Variants in CAPS2 observed in about 807,000 individuals in gnomAD.
CAPS2 encodes calcyphosin-2.
A neutral mutation model predicts 86.5 loss-of-function variants in CAPS2; 98 were observed. The ratio of observed to expected loss-of-function variants is 1.13; its 90% CI spans 0.96 to 1.34. The LOEUF is 1.34. Ranked by LOEUF, CAPS2 falls within the 40% of genes most tolerant of loss-of-function variation. The pLI, the probability that CAPS2 is intolerant of heterozygous loss-of-function variation, is 0.00. For missense variants in CAPS2, 729 were observed against 686.8 expected (o/e 1.06, Z -0.69); for synonymous variants, 210 against 225.1 (o/e 0.93, Z 0.60).
At chr12:75,329,768 G>A (rs2041126729), upstream of CAPS2, 2 of 1,383,770 alleles carry the variant, frequency 1.4e-6, no homozygotes, top group Non-Finnish European at 9.8e-7. Flanking sequence ...AAGCAAAACA[G>A]GGTAATATCT....
intron 1 of CAPS2, chr12:75,359,817 C>T (rs2139572332): frequency 6.6e-6 from 1 of 152,166 alleles, no homozygotes; most frequent in East Asian, 1.9e-4. Flanking sequence ...CAAAAATTAA[C>T]TCAAAATGGA....
chr12:75,298,398 C>T, intron 11 of CAPS2: 1 of 361,304 alleles, frequency 2.8e-6, no homozygotes, highest in South Asian at 6.2e-5. Context: ...CTTTGAAGAA[C>T]TTTTCAAAGT....
intron 6 of CAPS2, among the ~76,000 whole-genome samples, chr12:75,315,637 T>C: frequency 6.6e-6 from 1 of 152,210 alleles, no homozygotes; most frequent in East Asian, 1.9e-4. Context: ...TTTGTTACTA[T>C]TTATGCTATT....
intron 1 of CAPS2, among the ~76,000 whole-genome samples, chr12:75,363,576 A>G (rs2043762983): frequency 6.6e-6 from 1 of 152,204 alleles, no homozygotes; most frequent in Non-Finnish European, 1.5e-5. Flanking sequence ...TATGATTTAA[A>G]ACTAACATGT....
intron 1 of CAPS2, among the ~76,000 whole-genome samples, chr12:75,366,415 T>C (rs922591801): frequency 1.3e-5 from 2 of 152,142 alleles, no homozygotes; most frequent in Non-Finnish European, 2.9e-5. Context: ...AACTCTTGAG[T>C]TGCAGATTGA....
intron 1 of CAPS2, among the ~76,000 whole-genome samples, chr12:75,387,483 G>C (rs2045351267): frequency 6.6e-6 from 1 of 152,136 alleles, no homozygotes. Flanking sequence ...CAGCCACTTT[G>C]GAACATAGTT....
intron 1 of CAPS2, among the ~76,000 whole-genome samples, chr12:75,354,111 C>A (rs1026414732): frequency 7.3e-6 from 1 of 136,486 alleles, no homozygotes; most frequent in Non-Finnish European, 1.5e-5. Flanking sequence ...CTCACCACTT[C>A]TATTCAACAT....
chr12:75,303,250 C>A (rs1376992301), intron 8 of CAPS2, among the ~76,000 whole-genome samples: 1 of 152,182 alleles, frequency 6.6e-6, no homozygotes, highest in African/African-American at 2.4e-5. Flanking sequence ...AAGACAAACA[C>A]ATTTCACTAT....
intron 1 of CAPS2, among the ~76,000 whole-genome samples, chr12:75,379,844 C>A (rs1425210716): frequency 7.6e-5 from 10 of 131,140 alleles, no homozygotes; most frequent in Non-Finnish European, 1.3e-4. Context: ...TATGATGCAT[C>A]CCTATCAGTA....
Position 75,277,895 on chromosome 12 carries a change from C to T in CAPS2, c.*995G>A, listed in dbSNP as rs114188986. ...GAATTTAGAAAGAATGATTATAATA[C>T]ATGTAACTATTAAATAACATATATT... On this transcript the variant is annotated 3_prime_UTR_variant, in exon 17 of 17. Transcript: ENST00000393284. 5.4e-3 allele frequency: 4,470 copies of T among 830,812 alleles called. 12 individuals carry two copies. The highest frequency in any genetic ancestry group is 0.011 in the Middle Eastern group (17 of 1,608). 51.5% of individuals were successfully genotyped at this position (830,812 alleles called of 1,614,324 possible).
chr12:75,334,921 T>C (rs762456990), upstream of CAPS2: 2 of 1,608,948 alleles, frequency 1.2e-6, no homozygotes, highest in South Asian at 2.2e-5. Flanking sequence ...GAACCAGGGC[T>C]GGGCTCTTAA....
intron 1 of CAPS2, chr12:75,365,092 A>G (rs980262466): frequency 2.6e-5 from 4 of 152,228 alleles, no homozygotes; most frequent in Admixed American, 2.0e-4. Flanking sequence ...ATCTCATGCA[A>G]CCACCTCTTG....
chr12:75,334,998 C>T (rs760886483), upstream of CAPS2: 1 of 1,222,768 alleles, frequency 8.2e-7, no homozygotes, highest in Admixed American at 2.4e-5. Context: ...TAATTCAATC[C>T]GGACTTTACA....
intron 7 of CAPS2, among the ~76,000 whole-genome samples, chr12:75,311,732 A>C (rs2039236708): frequency 8.4e-6 from 1 of 119,276 alleles, no homozygotes; most frequent in Admixed American, 8.7e-5. Flanking sequence ...AACAAAAAAA[A>C]AAAAAAAAAC....
At chr12:75,371,858 C>T (rs1007263808) in intron 1 of CAPS2, among the ~76,000 whole-genome samples, 7 of 152,264 alleles carry the variant, frequency 4.6e-5, no homozygotes, top group African/African-American at 1.2e-4. Flanking sequence ...CAACTGGTCA[C>T]GTGGTTGTAT....
At chr12:75,337,503 G>A (rs2041818276) in intron 1 of CAPS2, among the ~76,000 whole-genome samples, 1 of 151,676 alleles carries the variant, frequency 6.6e-6, no homozygotes, top group African/African-American at 2.4e-5. Context: ...GAAAATAAAT[G>A]GACAAATGTC....
chr12:75,334,471 T>C (rs1489337992), upstream of CAPS2: 4 of 1,296,894 alleles, frequency 3.1e-6, no homozygotes, highest in Non-Finnish European at 3.9e-6. Context: ...GAAAGCAGTT[T>C]GGATGGTTGA....
upstream of CAPS2, among the ~76,000 whole-genome samples, chr12:75,328,064 T>A (rs1017685197): frequency 2.0e-5 from 3 of 151,750 alleles, no homozygotes; most frequent in African/African-American, 7.3e-5. Flanking sequence ...GAAAAAAAAA[T>A]ACAAATCATT....
At chr12:75,359,152 T>G (rs993479711) in intron 1 of CAPS2, among the ~76,000 whole-genome samples, 1 of 150,370 alleles carries the variant, frequency 6.7e-6, no homozygotes, top group Non-Finnish European at 1.5e-5. Context: ...TACATGTCTG[T>G]ATACTAACAC....
Sources: allele counts gnomAD v4.1 joint callset (sites outside exome capture counted in the v4.1 genomes callset), GRCh38; gene constraint gnomAD v4.1.1; transcripts MANE v1.5; gene names NCBI Gene and HGNC (gene_info 2026-07-23, HGNC 2026-07-21).